Variants in PAK3 observed in about 807,000 individuals in gnomAD.
PAK3 encodes the protein serine/threonine-protein kinase PAK 3.
Under a neutral mutation model 41.0 loss-of-function variants are expected in PAK3, and 4 were observed. That is an observed-to-expected ratio of 0.10 (90% confidence interval 0.05 to 0.22). PAK3 has a LOEUF of 0.22. Ranked by LOEUF, PAK3 falls within the 10% of genes least tolerant of loss-of-function variation. PAK3 has a pLI of 1.00. For synonymous variants in PAK3, 146 were observed against 139.6 expected, an observed-to-expected ratio of 1.05 and a Z score of -0.32; for missense variants, 205 against 409.9, an observed-to-expected ratio of 0.50 and a Z score of 4.32.
chrX:111,080,129 A>G (rs1411431083), intron 1 of PAK3, among the ~76,000 whole-genome samples: 2 of 112,530 alleles, frequency 1.8e-5, no homozygotes, highest in East Asian at 5.5e-4. Context: ...TAGTTGATAA[A>G]GCATCAGCAG....
intron 4 of PAK3, among the ~76,000 whole-genome samples, chrX:111,106,324 A>G (rs189279840): frequency 1.8e-3 from 206 of 112,101 alleles, no homozygotes; most frequent in Non-Finnish European, 3.3e-3. Context: ...CACAATTCAC[A>G]TTGCAATAGT....
chrX:111,034,344 G>A (rs1157328104), intron 1 of PAK3, among the ~76,000 whole-genome samples: 1 of 111,310 alleles, frequency 9.0e-6, no homozygotes, highest in Non-Finnish European at 1.9e-5. Flanking sequence ...AGATGATCCT[G>A]AGAGCAAATG....
intron 7 of PAK3, 87 bp from the exon 8 acceptor site, chrX:111,152,323 G>A (rs2094040060): frequency 4.7e-6 from 3 of 642,541 alleles, no homozygotes; most frequent in East Asian, 6.6e-5. Context: ...AAATCATGCA[G>A]TTTTTTAATT....
At chrX:111,164,985 A>G (rs1167213113) in intron 10 of PAK3, among the ~76,000 whole-genome samples, 1 of 111,504 alleles carries the variant, frequency 9.0e-6, no homozygotes, top group East Asian at 2.8e-4. Context: ...GACATTTAGC[A>G]ATGTCTGGAG....
chrX:111,160,419 C>T (rs2094156205), intron 8 of PAK3, among the ~76,000 whole-genome samples: 1 of 109,156 alleles, frequency 9.2e-6, no homozygotes, highest in Admixed American at 9.7e-5. Context: ...ACTTGAAACA[C>T]ATCTCAATTC....
At chrX:110,973,774 T>C (rs1249868963) in intron 1 of PAK3, among the ~76,000 whole-genome samples, 1 of 111,878 alleles carries the variant, frequency 8.9e-6, no homozygotes, top group Non-Finnish European at 1.9e-5. Flanking sequence ...ACTGGCAAAT[T>C]GGATAAAGAG....
chrX:110,946,519 A>G (rs1243413206), intron 1 of PAK3, among the ~76,000 whole-genome samples: 1 of 112,589 alleles, frequency 8.9e-6, no homozygotes, highest in Non-Finnish European at 1.9e-5. Flanking sequence ...CAATATTTAC[A>G]TTGCAGAATT....
At chrX:110,959,541 C>T (rs768532698) in intron 1 of PAK3, among the ~76,000 whole-genome samples, 1 of 111,770 alleles carries the variant, frequency 8.9e-6, no homozygotes, top group African/African-American at 3.3e-5. Flanking sequence ...AGTTTTTTAA[C>T]GGGTACTGAA....
At chrX:111,074,906 A>G (rs1380600466) in intron 1 of PAK3, among the ~76,000 whole-genome samples, 1 of 111,659 alleles carries the variant, frequency 9.0e-6, no homozygotes, top group East Asian at 2.8e-4. Context: ...ATTAGGCTGG[A>G]TTGTGTTCAT....
intron 5 of PAK3, among the ~76,000 whole-genome samples, chrX:111,139,163 G>A (rs925513258): frequency 2.7e-5 from 3 of 111,178 alleles, no homozygotes; most frequent in African/African-American, 6.6e-5. Flanking sequence ...GACCAGTTTA[G>A]GAGATAGAAT....
intron 1 of PAK3, among the ~76,000 whole-genome samples, chrX:111,082,084 T>A (rs1161891925): frequency 8.9e-6 from 1 of 112,025 alleles, no homozygotes; most frequent in Non-Finnish European, 1.9e-5. Context: ...TTAAAAAAAA[T>A]GAAAGTTCCT....
At chrX:111,204,141 A>G (rs190788369) in intron 16 of PAK3, among the ~76,000 whole-genome samples, 1 of 111,724 alleles carries the variant, frequency 9.0e-6, no homozygotes, top group Non-Finnish European at 1.9e-5. Context: ...GTTGTTAGGA[A>G]TTCAGCATAG....
In PAK3 at chrX:111,124,958, C is replaced by T. The variant is rs776588480; in HGVS notation, c.175+1680C>T. 4.5e-5 allele frequency among the ~76,000 whole-genome samples: 5 copies of T among 112,034 alleles called. No individual in the cohort carries two copies. In the South Asian group the frequency reaches 1.9e-3, roughly 42 times the overall value. Reference sequence around the variant, plus strand: ...AGGTACATTTGCCAATATGCATCCTCATGGTAAGGTTGTCTTTATAACTAG... The same window carrying T: ...AGGTACATTTGCCAATATGCATCCTTATGGTAAGGTTGTCTTTATAACTAG... On this transcript the variant is annotated intron_variant, in intron 5 of 17. Coordinates refer to ENST00000372007, the MANE Select transcript of PAK3 (RefSeq NM_002578.5).
At chrX:111,089,092 C>A (rs987324313) in intron 1 of PAK3, among the ~76,000 whole-genome samples, 2 of 111,923 alleles carry the variant, frequency 1.8e-5, no homozygotes, top group African/African-American at 3.2e-5. Flanking sequence ...ATGTAAAAAC[C>A]AGGCAAGTCT....
At chrX:111,134,790 C>T (rs1267018474) in intron 5 of PAK3, among the ~76,000 whole-genome samples, 1 of 111,146 alleles carries the variant, frequency 9.0e-6, no homozygotes, top group Non-Finnish European at 1.9e-5. Context: ...GAGTGAGTGG[C>T]ATGCCAGGTA....
intron 1 of PAK3, among the ~76,000 whole-genome samples, chrX:111,006,849 C>CTTTCTTTCTTTCTTT (rs1556434441): frequency 1.0e-3 from 44 of 42,666 alleles, no homozygotes; most frequent in East Asian, 1.9e-3. Context: ...TTCTTTCTTT[C>CTTTCTTTCTTTCTTT]TTTTTTTTTT....
At chrX:110,998,514 T>C (rs974144907) in intron 1 of PAK3, among the ~76,000 whole-genome samples, 9 of 112,006 alleles carry the variant, frequency 8.0e-5, no homozygotes, top group Non-Finnish European at 1.3e-4. Flanking sequence ...AGGAGACAAT[T>C]TGGAGATTAT....
chrX:111,075,552 A>T (rs756846668), intron 1 of PAK3, among the ~76,000 whole-genome samples: 23 of 112,669 alleles, frequency 2.0e-4, no homozygotes, highest in South Asian at 3.7e-4. Context: ...ATTTCAGAGG[A>T]TGTATGGGAA....
chrX:111,175,231 G>C (rs2094392603), intron 11 of PAK3, among the ~76,000 whole-genome samples: 1 of 111,598 alleles, frequency 9.0e-6, no homozygotes, highest in Admixed American at 9.5e-5. Flanking sequence ...GTCCAGTATG[G>C]TGGCCAGTAA....
Sources: allele counts gnomAD v4.1 joint callset (sites outside exome capture counted in the v4.1 genomes callset), GRCh38; gene constraint gnomAD v4.1.1; transcripts MANE v1.5; gene names NCBI Gene and HGNC (gene_info 2026-07-23, HGNC 2026-07-21).